HAT1: variants seen among roughly 807,000 people sequenced by gnomAD.
HAT1 encodes the protein histone acetyltransferase 1.
Under a neutral mutation model 56.6 loss-of-function variants are expected in HAT1, and 20 were observed. The observed-to-expected ratio is 0.35, with a 90% confidence interval of 0.25 to 0.51. The LOEUF is 0.51. Among genes scored for constraint, HAT1 ranks in the 20% least tolerant of loss-of-function variants. The pLI is 0.95. For synonymous variants in HAT1, 146 were observed against 165.5 expected (o/e 0.88, Z 0.91); for missense variants, 408 against 504.3 (o/e 0.81, Z 1.83).
At chr2:171,966,381 C>T (rs1191637520) in intron 6 of HAT1, 28 bp from the exon 7 acceptor site, 2 of 1,155,362 alleles carry the variant, frequency 1.7e-6, no homozygotes, top group Non-Finnish European at 2.6e-6. Flanking sequence ...CTGTAATTGA[C>T]CTGCTTGGCT....
At chr2:171,971,037 A>G (rs1319997296) in intron 8 of HAT1, among the ~76,000 whole-genome samples, 1 of 151,862 alleles carries the variant, frequency 6.6e-6, no homozygotes, top group Non-Finnish European at 1.5e-5. Context: ...TGTCTCTACT[A>G]AAAATAAAAA....
chr2:171,953,893 G>T (rs1687375907), intron 4 of HAT1, among the ~76,000 whole-genome samples: 1 of 152,146 alleles, frequency 6.6e-6, no homozygotes, highest in African/African-American at 2.4e-5. Context: ...TACTTGGGAG[G>T]CTGAGGCAGG....
At chr2:171,962,748 G>T (rs1038208921) in intron 4 of HAT1, among the ~76,000 whole-genome samples, 1 of 152,114 alleles carries the variant, frequency 6.6e-6, no homozygotes, top group Non-Finnish European at 1.5e-5. Context: ...TGTCTAGTCA[G>T]CTGAATTTCT....
intron 4 of HAT1, among the ~76,000 whole-genome samples, chr2:171,954,179 T>G (rs1224160868): frequency 6.6e-6 from 1 of 152,162 alleles, no homozygotes; most frequent in Non-Finnish European, 1.5e-5. Context: ...TGTTTTTTAT[T>G]GTGGTTATTT....
chr2:171,963,622 T>C, intron 4 of HAT1, among the ~76,000 whole-genome samples: 1 of 152,236 alleles, frequency 6.6e-6, no homozygotes, highest in East Asian at 1.9e-4. Flanking sequence ...GTAGTTTTTC[T>C]TGGCTTTTTA....
chr2:171,982,106 G>T (rs1688145366), intron 10 of HAT1, among the ~76,000 whole-genome samples: 1 of 152,136 alleles, frequency 6.6e-6, no homozygotes, highest in African/African-American at 2.4e-5. Flanking sequence ...AACCTCTGTA[G>T]TTCATAAGTG....
At chr2:171,922,906 C>T in intron 1 of HAT1, 1 of 195,100 alleles carries the variant, frequency 5.1e-6, no homozygotes, top group Non-Finnish European at 1.0e-5. Context: ...ATGCTCAGAT[C>T]CTCCTCCTCT....
Position 171,965,401 on chromosome 2 carries a change from G to T in HAT1, c.373G>T (p.Asp125Tyr). Residue 125 changes from aspartate to tyrosine, a missense_variant, in exon 5 of 11, where the codon GAT (aspartate) becomes TAT (tyrosine). Physicochemically the swap from Asp to Tyr is radical, Grantham distance 160. Coordinates refer to ENST00000264108, the MANE Select transcript of HAT1 (RefSeq NM_003642.4). ...IPPGFCTNTN[D>Y]FLSLLEKEVD... ...ACCTGGATTTTGCACAAACACGAAT[G>T]ATTTCCTTTCTTTACTGGAAAAGGA... 6.2e-7 allele frequency: 1 copy of T among 1,611,820 alleles called. No individual in the cohort carries two copies. Among genetic ancestry groups the T allele is most frequent in the Non-Finnish European group, 8.5e-7 (1 of 1,178,260 alleles).
intron 2 of HAT1, among the ~76,000 whole-genome samples, chr2:171,929,082 C>A (rs187419694): frequency 3.9e-5 from 6 of 152,296 alleles, no homozygotes; most frequent in African/African-American, 1.4e-4. Flanking sequence ...TATTCCATAT[C>A]CTCACCAACA....
intron 4 of HAT1, among the ~76,000 whole-genome samples, chr2:171,957,096 G>A (rs906164993): frequency 6.6e-6 from 1 of 152,178 alleles, no homozygotes; most frequent in African/African-American, 2.4e-5. Flanking sequence ...AGGGTTTTGA[G>A]AATTAAAACT....
chr2:171,975,536 T>G (rs1410218809), intron 8 of HAT1, among the ~76,000 whole-genome samples: 1 of 152,234 alleles, frequency 6.6e-6, no homozygotes, highest in Non-Finnish European at 1.5e-5. Context: ...AGTTGGTAAT[T>G]AAATGTCTCT....
At chr2:171,974,559 T>G (rs1687914290) in intron 8 of HAT1, among the ~76,000 whole-genome samples, 1 of 152,218 alleles carries the variant, frequency 6.6e-6, no homozygotes, top group Non-Finnish European at 1.5e-5. Context: ...CAGATGCATT[T>G]TCTTTCTTTT....
At chr2:171,977,938 A>G (rs1177598095) in intron 9 of HAT1, among the ~76,000 whole-genome samples, 3 of 152,032 alleles carry the variant, frequency 2.0e-5, no homozygotes, top group African/African-American at 7.2e-5. Flanking sequence ...GCCCAAATAA[A>G]TACATAAGTG....
At chr2:171,948,357 T>G (rs1223584099) in intron 3 of HAT1, among the ~76,000 whole-genome samples, 1 of 152,150 alleles carries the variant, frequency 6.6e-6, no homozygotes, top group Admixed American at 6.6e-5. Flanking sequence ...CCCAACTAGC[T>G]GAGATTACAG....
intron 3 of HAT1, among the ~76,000 whole-genome samples, chr2:171,949,811 T>C (rs1687259480): frequency 1.3e-5 from 2 of 152,132 alleles, no homozygotes; most frequent in Non-Finnish European, 2.9e-5. Flanking sequence ...CTAAGGAGTC[T>C]TTTACAATTC....
At chr2:171,953,626 T>TTAAAAAAAAAA (rs1375933255) in intron 4 of HAT1, among the ~76,000 whole-genome samples, 6 of 84,630 alleles carry the variant, frequency 7.1e-5, no homozygotes, top group Non-Finnish European at 1.2e-4. Flanking sequence ...CCCTGTCTCT[T>TTAAAAAAAAAA]AAAAAAAAAA....
intron 2 of HAT1, among the ~76,000 whole-genome samples, chr2:171,941,457 A>G (rs538607130): frequency 6.6e-6 from 1 of 152,176 alleles, no homozygotes; most frequent in African/African-American, 2.4e-5. Flanking sequence ...TGAGTCTGCA[A>G]GCAATTGATT....
In HAT1 at chr2:171,922,520, G is replaced by A. The variant is rs757593698; in HGVS notation, c.7+13G>A. The A allele has an allele frequency of 1.5e-6, 2 of 1,318,348 alleles. No individual in the cohort carries two copies. The highest frequency in any genetic ancestry group is 2.0e-4 in the Middle Eastern group (1 of 4,950). 81.7% of individuals were successfully genotyped at this position (1,318,348 alleles called of 1,614,324 possible). A position where few individuals can be genotyped will look rare whatever the true frequency, so the allele number is the denominator to read the frequency against. On this transcript the variant is annotated intron_variant, in intron 1 of 10. Coordinates refer to ENST00000264108, the MANE Select transcript of HAT1 (RefSeq NM_003642.4). ...TCGGAAATGGCGGGTAAGTTACCGG[G>A]AAAAGTTTACCAAGGGGAGGAGGCG... is the stretch of plus-strand genomic sequence containing the variant.
At chr2:171,948,109 T>G (rs578159671) in intron 3 of HAT1, among the ~76,000 whole-genome samples, 1 of 152,340 alleles carries the variant, frequency 6.6e-6, no homozygotes, top group African/African-American at 2.4e-5. Flanking sequence ...ATTCTCTCCT[T>G]GTTGTTGAAC....
Sources: allele counts gnomAD v4.1 joint callset (sites outside exome capture counted in the v4.1 genomes callset), GRCh38; gene constraint gnomAD v4.1.1; transcripts MANE v1.5; gene names NCBI Gene and HGNC (gene_info 2026-07-23, HGNC 2026-07-21).